Variants in CPEB1 observed in about 807,000 individuals in gnomAD.
CPEB1 encodes cytoplasmic polyadenylation element binding protein 1.
A neutral mutation model predicts 65.8 loss-of-function variants in CPEB1; 7 were observed. The ratio of observed to expected loss-of-function variants is 0.11; its 90% CI spans 0.06 to 0.20. The LOEUF (loss-of-function observed/expected upper bound fraction) is 0.20. Ranked by LOEUF, CPEB1 falls within the 10% of genes least tolerant of loss-of-function variation. CPEB1 has a pLI of 1.00. For missense variants in CPEB1, 551 were observed against 712.2 expected (o/e 0.77, Z 2.58); for synonymous variants, 262 against 260.0 (o/e 1.01, Z -0.08).
At chr15:82,550,636 AAG>A (rs1950728117) in intron 9 of CPEB1, among the ~76,000 whole-genome samples, 2 of 152,186 alleles carry the variant, frequency 1.3e-5, no homozygotes, top group South Asian at 4.1e-4. Context: ...TTGCCCACAA[AAG>A]AGTTTGGGAT....
chr15:82,599,799 T>C (rs149555963), intron 3 of CPEB1, among the ~76,000 whole-genome samples: 2,685 of 152,256 alleles, frequency 0.018, 30 homozygotes, highest in Non-Finnish European at 0.025. Flanking sequence ...TCTCCTGCTG[T>C]GATCTCTAAA....
At chr15:82,600,842 G>A (rs1424994837) in intron 3 of CPEB1, among the ~76,000 whole-genome samples, 1 of 151,416 alleles carries the variant, frequency 6.6e-6, no homozygotes, top group African/African-American at 2.4e-5. Flanking sequence ...GAGGTTGGGT[G>A]GGTTCTTCAT....
In CPEB1 at chr15:82,610,981, A is replaced by G. The variant is rs373739535; in HGVS notation, c.271+16212T>C. Among the ~76,000 whole-genome samples, 267 of 135,084 alleles carry G rather than the reference A, an allele frequency of 2.0e-3. 2 individuals are homozygous for G. The highest frequency in any genetic ancestry group is 4.5e-3 in the African/African-American group (151 of 33,336). 88.6% of individuals were successfully genotyped at this position (135,084 alleles called of 152,430 possible). ...CTCAAAAAAAAAAAAAAAAAAAAAAAAAAAAAAGAAAAAAAGAAAAAAAAA... is the reference window on the plus strand; with the variant it reads ...CTCAAAAAAAAAAAAAAAAAAAAAAGAAAAAAAGAAAAAAAGAAAAAAAAA... On this transcript the variant is annotated intron_variant, in intron 3 of 12. Coordinates refer to ENST00000684509, the MANE Select transcript of CPEB1 (RefSeq NM_001365242.1).
intron 1 of CPEB1, 71 bp from the exon 2 acceptor site, chr15:82,628,627 T>G: frequency 3.4e-6 from 2 of 594,704 alleles, no homozygotes; most frequent in Admixed American, 3.1e-5. Flanking sequence ...AAGCAAAAAG[T>G]CAGACAGAAA....
intron 3 of CPEB1, among the ~76,000 whole-genome samples, chr15:82,625,047 G>A (rs1384405274): frequency 6.6e-6 from 1 of 152,102 alleles, no homozygotes; most frequent in Non-Finnish European, 1.5e-5. Flanking sequence ...TGCCCAGGCT[G>A]GTCTCAAACT....
chr15:82,590,721 T>C (rs2042185960), intron 3 of CPEB1, among the ~76,000 whole-genome samples: 2 of 152,204 alleles, frequency 1.3e-5, no homozygotes, highest in Admixed American at 6.5e-5. Context: ...CTTCTTTGTG[T>C]CCATATGTCC....
intron 3 of CPEB1, among the ~76,000 whole-genome samples, chr15:82,602,460 G>C (rs1287821982): frequency 6.6e-6 from 1 of 152,148 alleles, no homozygotes; most frequent in Non-Finnish European, 1.5e-5. Flanking sequence ...CAGATGGGAG[G>C]ATCACTTGAG....
intron 4 of CPEB1, among the ~76,000 whole-genome samples, chr15:82,569,145 C>T (rs2039627182): frequency 6.6e-6 from 1 of 152,226 alleles, no homozygotes; most frequent in Admixed American, 6.5e-5. Context: ...GGAATGTGGG[C>T]TGCATGTTCC....
rs570322155 is a variant in CPEB1 at position 82,639,725 on chromosome 15, T to C, written c.-98+7412A>G. 1.1e-4 allele frequency among the ~76,000 whole-genome samples: 17 copies of C among 152,310 alleles called. No individual in the cohort carries two copies. In the South Asian group the frequency reaches 1.2e-3, roughly 11 times the overall value. Reference sequence around the variant, plus strand: ...ATTCCCAGAACTGAGTGACTTACTATACCCAAAGGAACAAACAATATGGTT... The same window carrying C: ...ATTCCCAGAACTGAGTGACTTACTACACCCAAAGGAACAAACAATATGGTT... On this transcript the variant is annotated intron_variant, in intron 1 of 12. Coordinates refer to ENST00000684509, the MANE Select transcript of CPEB1 (RefSeq NM_001365242.1).
intron 4 of CPEB1, chr15:82,562,187 C>T (rs1269931034): frequency 4.4e-6 from 2 of 452,480 alleles, no homozygotes; most frequent in African/African-American, 2.0e-5. Flanking sequence ...TAGGACTTCA[C>T]ATCTGTTTGT....
chr15:82,543,465 A>ATT lies in CPEB1; in HGVS notation c.*1126_*1127insAA, dbSNP rs1567159521. The ATT allele has an allele frequency of 5.3e-4, 77 of 144,008 alleles. No individual in the cohort carries two copies. The highest frequency in any genetic ancestry group is 1.9e-3 in the African/African-American group (71 of 36,514). The allele number at this position is 144,008 out of a possible 1,614,324, so 8.9% of individuals were successfully genotyped here. A position where few individuals can be genotyped will look rare whatever the true frequency, so the allele number is the denominator to read the frequency against. ...TGTGGGTTTTTTGTTTCTTTTTAAA[A>ATT]AAAAAAAAAAAAAAAAAAAGGAAAG... On this transcript the variant is annotated 3_prime_UTR_variant, in exon 13 of 13. Coordinates refer to ENST00000684509, the MANE Select transcript of CPEB1 (RefSeq NM_001365242.1).
At chr15:82,643,658 A>T (rs1465796277) in intron 1 of CPEB1, among the ~76,000 whole-genome samples, 1 of 45,630 alleles carries the variant, frequency 2.2e-5, no homozygotes, top group Non-Finnish European at 7.3e-5. Context: ...GAAATATAGG[A>T]AAAAAAAAAT....
upstream of CPEB1, chr15:82,647,892 G>A: frequency 8.1e-7 from 1 of 1,233,582 alleles, no homozygotes; most frequent in Non-Finnish European, 1.0e-6. Context: ...GGCCCTGCGG[G>A]GCTGACGGGC....
chr15:82,563,357 C>CTTTTTTTTTTT (rs71453394), intron 4 of CPEB1, among the ~76,000 whole-genome samples: 4 of 92,072 alleles, frequency 4.3e-5, no homozygotes, highest in South Asian at 4.5e-4. Context: ...CATCTCTATT[C>CTTTTTTTTTTT]TTTTTTTTTT....
chr15:82,557,458 C>T (rs2037419200), intron 5 of CPEB1: 2 of 353,088 alleles, frequency 5.7e-6, no homozygotes, highest in Non-Finnish European at 1.0e-5. Flanking sequence ...AGAACACTGC[C>T]AGGGCCCTCA....
chr15:82,648,499 G>A (rs1174182085), upstream of CPEB1: 13 of 152,382 alleles, frequency 8.5e-5, no homozygotes, highest in Admixed American at 8.5e-4. Flanking sequence ...GTTCCAGAAA[G>A]TTCCAAAGAC....
chr15:82,612,157 A>G (rs899854727), intron 3 of CPEB1, among the ~76,000 whole-genome samples: 38 of 152,314 alleles, frequency 2.5e-4, no homozygotes, highest in African/African-American at 8.2e-4. Flanking sequence ...TAAATGAAAC[A>G]GAGAAATTCC....
intron 3 of CPEB1, among the ~76,000 whole-genome samples, chr15:82,586,576 T>C (rs1242254499): frequency 2.0e-5 from 3 of 152,202 alleles, no homozygotes; most frequent in Non-Finnish European, 4.4e-5. Context: ...AGCTACATTT[T>C]TGTCCAGGTC....
intron 9 of CPEB1, among the ~76,000 whole-genome samples, chr15:82,549,898 C>T (rs117934554): frequency 0.013 from 1,945 of 152,304 alleles, 22 homozygotes; most frequent in Non-Finnish European, 0.02. Flanking sequence ...GGACACAGTA[C>T]TCACTCATGC....
Sources: gnomAD v4.1 joint callset for allele counts (sites outside exome capture counted in the v4.1 genomes callset) on GRCh38, gnomAD v4.1.1 for gene constraint, MANE v1.5 for transcripts, NCBI Gene and HGNC (gene_info 2026-07-23, HGNC 2026-07-21) for gene names.